Variants in PLPPR4 observed in about 807,000 individuals in gnomAD.
The protein encoded by PLPPR4 is phospholipid phosphatase-related protein type 4.
PLPPR4 carries 24 observed loss-of-function variants against 56.6 expected under a neutral mutation model. The ratio of observed to expected loss-of-function variants is 0.42; its 90% confidence interval spans 0.31 to 0.60. The LOEUF (loss-of-function observed/expected upper bound fraction) is 0.60. PLPPR4 is among the 20% of genes least tolerant of loss of function. PLPPR4 has a pLI of 0.13. For synonymous variants in PLPPR4, 326 were observed against 328.1 expected (o/e 0.99, Z 0.07); for missense variants, 654 against 885.8 (o/e 0.74, Z 3.32).
intron 2 of PLPPR4, among the ~76,000 whole-genome samples, chr1:99,291,964 T>TTA (rs545508213): frequency 3.3e-5 from 5 of 151,944 alleles, no homozygotes; most frequent in African/African-American, 1.2e-4. Flanking sequence ...TATATAAATT[T>TTA]TATATATATA....
chr1:99,264,976 C>T (rs559822587), intron 1 of PLPPR4, among the ~76,000 whole-genome samples: 2 of 152,286 alleles, frequency 1.3e-5, no homozygotes, highest in East Asian at 3.9e-4. Context: ...GTGTGCACAA[C>T]GTCCGCTAGT....
At chr1:99,298,972 T>G in intron 3 of PLPPR4, 63 bp from the exon 4 acceptor site, 1 of 1,070,626 alleles carries the variant, frequency 9.3e-7, no homozygotes, top group African/African-American at 1.6e-5. Flanking sequence ...TAATGTTTAA[T>G]GAATATGTTT....
chr1:99,281,238 T>C (rs544097855), intron 1 of PLPPR4, among the ~76,000 whole-genome samples: 15 of 152,142 alleles, frequency 9.9e-5, no homozygotes, highest in Non-Finnish European at 1.8e-4. Flanking sequence ...GCAGAATAAA[T>C]GAGGGGAGAA....
intron 6 of PLPPR4, among the ~76,000 whole-genome samples, chr1:99,303,114 C>CTGT (rs145380521): frequency 3.3e-5 from 5 of 152,080 alleles, no homozygotes; most frequent in Non-Finnish European, 5.9e-5. Context: ...ATGTGTGTAG[C>CTGT]TGTTGTTGTT....
intron 6 of PLPPR4, 40 bp downstream of exon 6, chr1:99,301,937 A>G (rs1379652430): frequency 7.1e-7 from 1 of 1,415,870 alleles, no homozygotes; most frequent in South Asian, 1.4e-5. Context: ...AAAGTTTAAA[A>G]TGGAAAACAT....
intron 1 of PLPPR4, among the ~76,000 whole-genome samples, chr1:99,284,879 C>T (rs1241424854): frequency 6.6e-6 from 1 of 152,046 alleles, no homozygotes; most frequent in African/African-American, 2.4e-5. Flanking sequence ...GATTAGGCCC[C>T]TGCCTTAAGG....
In PLPPR4 at chr1:99,306,610, G is replaced by C. The variant is rs763311465; in HGVS notation, c.1748G>C (p.Arg583Thr). ...GTTGAGGCTCACCCAGAGAACAACA[G>C]GCCCATCATACAGATCCCGTCCACT... Reference protein sequence around the residue: ...VRVEAHPENNRPIIQIPSTEG... With the variant: ...VRVEAHPENNTPIIQIPSTEG... Residue 583 changes from arginine (R) to threonine (T), a missense_variant, in exon 7 of 7, where the codon AGG (arginine) becomes ACG (threonine). Transcript: ENST00000370185. The surrounding 1 kb of genome is among the most constrained non-coding windows in gnomAD (Gnocchi z 4.0). 2 of 1,613,984 alleles carry C rather than the reference G, an allele frequency of 1.2e-6. No individual in the cohort carries two copies. Among genetic ancestry groups the C allele is most frequent in the East Asian group, 4.5e-5 (2 of 44,858 alleles).
At position 99,306,378 on chromosome 1, in the gene PLPPR4, C is replaced by T. The variant is rs200541722; in HGVS notation, c.1516C>T (p.Arg506Trp). 2 of 1,614,164 alleles carry T rather than the reference C, an allele frequency of 1.2e-6. No individual in the cohort carries two copies. The highest frequency in any genetic ancestry group is 2.2e-5 in the East Asian group (1 of 44,864). ...CACCTCCCCCAAAAGCAGCTCTGCT[C>T]GGGCCAAGTGGTTAAAAGCTGCTGA... ...ISTSPKSSSARAKWLKAAEKT... is the reference protein window; with the variant it reads ...ISTSPKSSSAWAKWLKAAEKT... The change falls in exon 7 of 7, where the codon CGG (arginine) becomes TGG (tryptophan). Residue 506 changes from arginine (R) to tryptophan (W), a missense_variant. Around this residue, in one of 2 missense-constraint regions of PLPPR4, gnomAD observed 468 missense variants for 554.3 expected, o/e 0.84. Coordinates refer to ENST00000370185, the MANE Select transcript of PLPPR4 (RefSeq NM_014839.5). This position sits in a 1 kb window ranked among gnomAD's most constrained non-coding sequence, Gnocchi z 4.0.
chr1:99,299,923 G>A (rs776268094), intron 4 of PLPPR4, among the ~76,000 whole-genome samples: 7 of 151,794 alleles, frequency 4.6e-5, no homozygotes, highest in Non-Finnish European at 7.4e-5. Context: ...AATTGCAGAG[G>A]GATAAGGGCC....
At chr1:99,296,966 A>G in intron 3 of PLPPR4, 99 bp downstream of exon 3, 3 of 1,181,962 alleles carry the variant, frequency 2.5e-6, no homozygotes, top group African/African-American at 3.1e-5. Context: ...TATAATTTAG[A>G]TGTATAATTT....
chr1:99,289,149 T>C (rs1413783974), intron 2 of PLPPR4, among the ~76,000 whole-genome samples: 1 of 152,144 alleles, frequency 6.6e-6, no homozygotes, highest in Non-Finnish European at 1.5e-5. Flanking sequence ...TATTTACTTC[T>C]ACAGTGAAAA....
chr1:99,291,651 T>C (rs1659623081), intron 2 of PLPPR4, among the ~76,000 whole-genome samples: 1 of 152,190 alleles, frequency 6.6e-6, no homozygotes, highest in Non-Finnish European at 1.5e-5. Context: ...GAGGCCATTA[T>C]CTTTAGCAAA....
At chr1:99,292,822 CATTT>C (rs1387729358) in intron 2 of PLPPR4, among the ~76,000 whole-genome samples, 1 of 151,614 alleles carries the variant, frequency 6.6e-6, no homozygotes, top group Non-Finnish European at 1.5e-5. Context: ...CCCAAACATA[CATTT>C]TCTCAGCAGT....
chr1:99,285,376 G>A (rs1052239231), intron 1 of PLPPR4, among the ~76,000 whole-genome samples: 1 of 152,074 alleles, frequency 6.6e-6, no homozygotes, highest in Non-Finnish European at 1.5e-5. Context: ...TATTTATATG[G>A]ATTTAAGTGG....
chr1:99,295,372 A>T (rs193286547), intron 2 of PLPPR4, among the ~76,000 whole-genome samples: 1,825 of 152,096 alleles, frequency 0.012, 13 homozygotes, highest in Non-Finnish European at 0.019. Flanking sequence ...TAGATTTTTT[A>T]AAAAAAACTA....
intron 2 of PLPPR4, among the ~76,000 whole-genome samples, chr1:99,293,412 T>A (rs780371631): frequency 1.3e-5 from 2 of 152,182 alleles, no homozygotes; most frequent in Admixed American, 6.6e-5. Context: ...AATATTCAAT[T>A]TTCATTTACT....
chr1:99,300,056 A>C (rs1013280178), intron 4 of PLPPR4, among the ~76,000 whole-genome samples: 1 of 152,022 alleles, frequency 6.6e-6, no homozygotes, highest in Non-Finnish European at 1.5e-5. Flanking sequence ...GATTATACAC[A>C]TTAAGGTTCT....
chr1:99,303,251 G>A (rs1659931035), intron 6 of PLPPR4, among the ~76,000 whole-genome samples: 1 of 152,094 alleles, frequency 6.6e-6, no homozygotes, highest in Non-Finnish European at 1.5e-5. Flanking sequence ...GGGGGAACAG[G>A]AGGAATGAGA....
intron 1 of PLPPR4, among the ~76,000 whole-genome samples, chr1:99,276,744 C>T (rs1308482230): frequency 6.6e-6 from 1 of 152,114 alleles, no homozygotes; most frequent in Non-Finnish European, 1.5e-5. Flanking sequence ...AGTACTGATG[C>T]TAATGGGAAT....
Sources: allele counts gnomAD v4.1 joint callset (sites outside exome capture counted in the v4.1 genomes callset), GRCh38; gene constraint gnomAD v4.1.1; regional missense constraint gnomAD v4.1.1; non-coding constraint Gnocchi (gnomAD v3.1); transcripts MANE v1.5; gene names NCBI Gene and HGNC (gene_info 2026-07-23, HGNC 2026-07-21).